The following RAB11FIP4 variants were observed in gnomAD, a reference collection of about 807,000 sequenced individuals.
RAB11FIP4 encodes the protein RAB11 family interacting protein 4, also known as rab11 family-interacting protein 4.
Under a neutral mutation model 74.3 loss-of-function variants are expected in RAB11FIP4, and 23 were observed. The ratio of observed to expected loss-of-function variants is 0.31; its 90% confidence interval spans 0.22 to 0.44. The LOEUF (loss-of-function observed/expected upper bound fraction) is 0.44, where lower values mean the gene tolerates loss of function less well. RAB11FIP4 is among the 20% of genes least tolerant of loss of function. The pLI, the probability that RAB11FIP4 is intolerant of heterozygous loss-of-function variation, is 1.00. For missense variants in RAB11FIP4, 630 were observed against 863.9 expected, an observed-to-expected ratio of 0.73 and a Z score of 3.39; for synonymous variants, 360 against 359.9, an observed-to-expected ratio of 1.00 and a Z score of 0.00.
At chr17:31,502,676 G>A (rs1001627811) in intron 3 of RAB11FIP4, among the ~76,000 whole-genome samples, 1 of 152,220 alleles carries the variant, frequency 6.6e-6, no homozygotes, top group Non-Finnish European at 1.5e-5. Flanking sequence ...GACTGAGCTT[G>A]GGTTGGGGTT....
intron 3 of RAB11FIP4, among the ~76,000 whole-genome samples, chr17:31,438,147 T>A (rs1387674531): frequency 1.3e-5 from 2 of 152,084 alleles, no homozygotes; most frequent in Admixed American, 1.3e-4. Context: ...TCTGAGACTG[T>A]CCTGCTCAGG....
intron 3 of RAB11FIP4, among the ~76,000 whole-genome samples, chr17:31,463,201 G>A (rs968572956): frequency 6.6e-6 from 1 of 152,190 alleles, no homozygotes; most frequent in African/African-American, 2.4e-5. Context: ...TGGAGAACAC[G>A]AGACTCCAGG....
chr17:31,524,156 T>C, intron 9 of RAB11FIP4, 160 bp downstream of exon 9: 1 of 617,970 alleles, frequency 1.6e-6, no homozygotes, highest in Non-Finnish European at 2.9e-6. Context: ...CCACATGTGG[T>C]GCCCAGGACA....
intron 3 of RAB11FIP4, among the ~76,000 whole-genome samples, chr17:31,461,537 C>A (rs781653611): frequency 6.6e-6 from 1 of 152,198 alleles, no homozygotes; most frequent in Admixed American, 6.5e-5. Flanking sequence ...CCAGGGCAAC[C>A]TTTCTTCAGC....
rs1273601751 is a variant in RAB11FIP4, at chr17:31,391,762, G to A, written c.-91G>A. Reference sequence around the variant, plus strand: ...GGCTGCGCGGCGCAGACCCAGACGGGCGGCCCCGGAGGGCGCGCGGCGATG... The same window carrying A: ...GGCTGCGCGGCGCAGACCCAGACGGACGGCCCCGGAGGGCGCGCGGCGATG... On this transcript the variant is annotated 5_prime_UTR_variant, in exon 1 of 15. Transcript: ENST00000621161. 7 of 927,218 alleles carry A rather than the reference G, an allele frequency of 7.5e-6. No homozygotes were observed. The highest frequency in any genetic ancestry group is 9.0e-6 in the Non-Finnish European group (7 of 779,164). 57.4% of individuals were successfully genotyped at this position (927,218 alleles called of 1,614,324 possible). A position where few individuals can be genotyped will look rare whatever the true frequency, so the allele number is the denominator to read the frequency against.
intron 3 of RAB11FIP4, among the ~76,000 whole-genome samples, chr17:31,482,166 A>G (rs1213548187): frequency 1.3e-5 from 2 of 152,194 alleles, no homozygotes; most frequent in African/African-American, 4.8e-5. Context: ...CTGCATCTTC[A>G]CTGGGTTTGG....
intron 3 of RAB11FIP4, among the ~76,000 whole-genome samples, chr17:31,491,785 A>G (rs2072013896): frequency 6.6e-6 from 1 of 152,136 alleles, no homozygotes; most frequent in Admixed American, 6.5e-5. Context: ...GCTGCCTTCC[A>G]TTGCTCTGCC....
intron 4 of RAB11FIP4, among the ~76,000 whole-genome samples, chr17:31,519,303 C>T (rs569650287): frequency 4.7e-4 from 72 of 152,184 alleles, no homozygotes; most frequent in Admixed American, 2.4e-3. Context: ...TGTGAGCCAC[C>T]GCACCTGGCC....
chr17:31,467,051 G>A (rs964944091), intron 3 of RAB11FIP4, among the ~76,000 whole-genome samples: 1 of 152,068 alleles, frequency 6.6e-6, no homozygotes, highest in Non-Finnish European at 1.5e-5. Context: ...TGGAGTTAAG[G>A]CCCAGTGTCC....
At chr17:31,472,031 G>A (rs178894) in intron 3 of RAB11FIP4, among the ~76,000 whole-genome samples, 81,989 of 151,882 alleles carry the variant, frequency 0.54, 22,925 homozygotes, top group East Asian at 0.64. Flanking sequence ...GCGTGGTGGC[G>A]AGTGCCTGTA....
At chr17:31,499,372 T>C (rs1366332685) in intron 3 of RAB11FIP4, among the ~76,000 whole-genome samples, 1 of 152,164 alleles carries the variant, frequency 6.6e-6, no homozygotes, top group Non-Finnish European at 1.5e-5. Context: ...TCTTCTTTTT[T>C]TTTAGATAGA....
chr17:31,468,451 C>T (rs947592967), intron 3 of RAB11FIP4, among the ~76,000 whole-genome samples: 36 of 152,070 alleles, frequency 2.4e-4, no homozygotes, highest in African/African-American at 7.7e-4. Context: ...TTCTCATATG[C>T]GAAATGGGAA....
In RAB11FIP4 at chr17:31,488,055, C is replaced by G. The variant is rs1219571180; in HGVS notation, c.337-29596C>G. 3.0e-6 allele frequency: 3 copies of G among 1,016,754 alleles called. No homozygotes were observed. The African/African-American group carries it at 5.2e-5, about 18-fold the overall frequency. The allele number at this position is 1,016,754 out of a possible 1,614,324, so 63.0% of individuals were successfully genotyped here. On this transcript the variant is annotated intron_variant, in intron 3 of 14. Coordinates refer to ENST00000621161, the MANE Select transcript of RAB11FIP4 (RefSeq NM_032932.6). ...TCACCGCAGCTTGATACAAAGAGCC[C>G]TTCGGCCCACGCGGGTCTCCCGGCA...
intron 1 of RAB11FIP4, among the ~76,000 whole-genome samples, chr17:31,415,147 A>C (rs2071134936): frequency 6.6e-6 from 1 of 152,192 alleles, no homozygotes; most frequent in Non-Finnish European, 1.5e-5. Flanking sequence ...CTTTGCCTGA[A>C]CCAATCACTG....
chr17:31,401,722 C>A (rs569012746), intron 1 of RAB11FIP4, among the ~76,000 whole-genome samples: 28 of 152,326 alleles, frequency 1.8e-4, no homozygotes, highest in Non-Finnish European at 3.2e-4. Flanking sequence ...AGCACCTGGA[C>A]AGGATAGACA....
intron 3 of RAB11FIP4, among the ~76,000 whole-genome samples, chr17:31,453,605 A>T (rs954474046): frequency 4.6e-5 from 7 of 151,796 alleles, no homozygotes; most frequent in Non-Finnish European, 8.8e-5. Flanking sequence ...CAGGTGAATT[A>T]CATGAGGTCA....
At chr17:31,496,948 C>T (rs543334835) in intron 3 of RAB11FIP4, among the ~76,000 whole-genome samples, 15 of 152,360 alleles carry the variant, frequency 9.8e-5, no homozygotes, top group Non-Finnish European at 1.8e-4. Flanking sequence ...TGCGACCTTT[C>T]ACGAATTACT....
intron 8 of RAB11FIP4, 128 bp downstream of exon 8, chr17:31,523,739 C>A: frequency 9.3e-7 from 1 of 1,073,918 alleles, no homozygotes; most frequent in Non-Finnish European, 1.4e-6. Context: ...GGCAGGTGGC[C>A]CTGGTCACGT....
At chr17:31,418,386 C>T (rs2071168146) in intron 1 of RAB11FIP4, among the ~76,000 whole-genome samples, 1 of 151,436 alleles carries the variant, frequency 6.6e-6, no homozygotes, top group African/African-American at 2.4e-5. Context: ...GAGACTTCGT[C>T]TCAAAAAAAT....
Sources: gnomAD v4.1 joint callset for allele counts (sites outside exome capture counted in the v4.1 genomes callset) on GRCh38, gnomAD v4.1.1 for gene constraint, MANE v1.5 for transcripts, NCBI Gene and HGNC (gene_info 2026-07-23, HGNC 2026-07-21) for gene names.